The following UNC5D variants were observed in gnomAD, a reference collection of about 807,000 sequenced individuals.
UNC5D encodes the protein unc-5 netrin receptor D.
In UNC5D, 39 loss-of-function variants were observed where a neutral mutation model predicts 105.4. That is an observed-to-expected ratio of 0.37 (90% confidence interval 0.29 to 0.48). The LOEUF (loss-of-function observed/expected upper bound fraction) is 0.48. UNC5D is among the 20% of genes least tolerant of loss of function. UNC5D has a pLI of 0.98. For missense variants in UNC5D, 991 were observed against 1,202.4 expected (o/e 0.82, Z 2.60); for synonymous variants, 452 against 450.4 (o/e 1.00, Z -0.04).
intron 4 of UNC5D, among the ~76,000 whole-genome samples, chr8:35,637,614 T>C (rs1042512646): frequency 2.0e-5 from 3 of 152,174 alleles, no homozygotes; most frequent in Admixed American, 2.0e-4. Flanking sequence ...ATTGGTGAAA[T>C]GAACACATGG....
chr8:35,258,473 A>T (rs1804233166), intron 1 of UNC5D, among the ~76,000 whole-genome samples: 1 of 152,174 alleles, frequency 6.6e-6, no homozygotes, highest in African/African-American at 2.4e-5. Flanking sequence ...TTTAGTACTT[A>T]TGAGCTGTGT....
chr8:35,325,310 TA>T (rs1205133558), intron 1 of UNC5D, among the ~76,000 whole-genome samples: 1 of 152,232 alleles, frequency 6.6e-6, no homozygotes, highest in Non-Finnish European at 1.5e-5. Flanking sequence ...CTTAACTTGA[TA>T]ATGCTTAAGT....
At chr8:35,636,693 G>A (rs1822395356) in intron 4 of UNC5D, among the ~76,000 whole-genome samples, 1 of 152,078 alleles carries the variant, frequency 6.6e-6, no homozygotes, top group African/African-American at 2.4e-5. Flanking sequence ...ATGGGGTAGG[G>A]GAGACTCCCT....
intron 4 of UNC5D, among the ~76,000 whole-genome samples, chr8:35,616,824 C>T (rs1030993436): frequency 6.6e-6 from 1 of 152,148 alleles, no homozygotes; most frequent in Non-Finnish European, 1.5e-5. Context: ...ATCCGAAGGC[C>T]AGCAGTCAGT....
At chr8:35,409,761 TC>T (rs1805038592) in intron 1 of UNC5D, among the ~76,000 whole-genome samples, 1 of 152,026 alleles carries the variant, frequency 6.6e-6, no homozygotes, top group African/African-American at 2.4e-5. Context: ...ACCAAGTTTT[TC>T]CCTATGATCA....
chr8:35,543,560 G>A (rs937785677), intron 1 of UNC5D, among the ~76,000 whole-genome samples: 14 of 152,070 alleles, frequency 9.2e-5, no homozygotes, highest in Admixed American at 5.9e-4. Context: ...ATTTTAATTG[G>A]AATTTTAGTT....
At chr8:35,243,809 C>A (rs562026887) in intron 1 of UNC5D, among the ~76,000 whole-genome samples, 2 of 152,282 alleles carry the variant, frequency 1.3e-5, no homozygotes, top group African/African-American at 4.8e-5. Flanking sequence ...TACCCAGTAC[C>A]TGATAGGGCT....
At chr8:35,330,006 G>A (rs1285258663) in intron 1 of UNC5D, among the ~76,000 whole-genome samples, 1 of 152,152 alleles carries the variant, frequency 6.6e-6, no homozygotes, top group East Asian at 1.9e-4. Flanking sequence ...ACCCTGTGAG[G>A]TAGGTGTGCT....
intron 11 of UNC5D, among the ~76,000 whole-genome samples, chr8:35,746,659 T>C (rs1431619269): frequency 6.6e-6 from 1 of 152,190 alleles, no homozygotes; most frequent in African/African-American, 2.4e-5. Context: ...TGAGAGTTCA[T>C]CTAATTAGCT....
At chr8:35,306,857 T>C (rs1808459712) in intron 1 of UNC5D, among the ~76,000 whole-genome samples, 1 of 152,172 alleles carries the variant, frequency 6.6e-6, no homozygotes, top group South Asian at 2.1e-4. Context: ...AAAAATTTGA[T>C]CCATCATTGA....
chr8:35,271,728 T>TATATATATATACCTGTATACAG (rs1563268399), intron 1 of UNC5D, among the ~76,000 whole-genome samples: 1 of 120,274 alleles, frequency 8.3e-6, no homozygotes, highest in African/African-American at 3.5e-5. Flanking sequence ...CATGTATACA[T>TATATATATATACCTGTATACAG]GTATACATAT....
Position 35,456,899 on chromosome 8 carries a change from T to C in UNC5D, c.104-92393T>C, listed in dbSNP as rs557892533. Reference sequence around the variant, plus strand: ...TTTTTGGAGGAGTTACAAGATCACATGCACTAAACATGCATCTCCCTTTTA... The same window carrying C: ...TTTTTGGAGGAGTTACAAGATCACACGCACTAAACATGCATCTCCCTTTTA... On this transcript the variant is annotated intron_variant, in intron 1 of 16. Coordinates refer to ENST00000404895, the MANE Select transcript of UNC5D (RefSeq NM_080872.4). Among the ~76,000 whole-genome samples the C allele has an allele frequency of 2.6e-5, 4 of 152,348 alleles. No homozygotes were observed. In the South Asian group the frequency reaches 8.3e-4, roughly 32 times the overall value.
intron 1 of UNC5D, among the ~76,000 whole-genome samples, chr8:35,477,389 G>A (rs1221195287): frequency 6.7e-6 from 1 of 149,044 alleles, no homozygotes; most frequent in East Asian, 2.0e-4. Flanking sequence ...CATGTCATTT[G>A]GATATTTACT....
At chr8:35,619,975 G>A (rs375235504) in intron 4 of UNC5D, among the ~76,000 whole-genome samples, 2 of 152,208 alleles carry the variant, frequency 1.3e-5, no homozygotes, top group Non-Finnish European at 2.9e-5. Context: ...CAGCCTGTAA[G>A]CATGACTGCC....
intron 1 of UNC5D, among the ~76,000 whole-genome samples, chr8:35,271,933 T>C (rs1187632159): frequency 6.6e-6 from 1 of 151,974 alleles, no homozygotes; most frequent in Non-Finnish European, 1.5e-5. Context: ...AGCCTTCATG[T>C]CACCGCTGTA....
chr8:35,591,818 A>T (rs1295613784), intron 3 of UNC5D, among the ~76,000 whole-genome samples: 1 of 152,198 alleles, frequency 6.6e-6, no homozygotes, highest in East Asian at 1.9e-4. Context: ...AGGAAAACAG[A>T]TGTAGAACAA....
intron 1 of UNC5D, among the ~76,000 whole-genome samples, chr8:35,324,939 G>A (rs1370840059): frequency 1.1e-4 from 16 of 152,152 alleles, no homozygotes. Flanking sequence ...GGCAACATTG[G>A]TGTGTGCCAG....
intron 4 of UNC5D, among the ~76,000 whole-genome samples, chr8:35,664,691 C>T (rs1824318119): frequency 6.6e-6 from 1 of 151,984 alleles, no homozygotes; most frequent in African/African-American, 2.4e-5. Context: ...ATGATTGGTT[C>T]TTAAAAGTTT....
At chr8:35,724,042 T>A in intron 9 of UNC5D, 2 of 1,026,096 alleles carry the variant, frequency 1.9e-6, no homozygotes, top group Non-Finnish European at 1.3e-6. Context: ...TTCTAGACGC[T>A]GGTTGCTTCC....
Sources: gnomAD v4.1 joint callset for allele counts (sites outside exome capture counted in the v4.1 genomes callset) on GRCh38, gnomAD v4.1.1 for gene constraint, MANE v1.5 for transcripts, NCBI Gene and HGNC (gene_info 2026-07-23, HGNC 2026-07-21) for gene names.